Variants in MOCOS observed in about 807,000 individuals in gnomAD.
The protein encoded by MOCOS is molybdenum cofactor sulfurase.
MOCOS carries 86 observed loss-of-function variants against 83.6 expected under a neutral mutation model. The ratio of observed to expected loss-of-function variants is 1.03; its 90% CI spans 0.86 to 1.23. The LOEUF (loss-of-function observed/expected upper bound fraction) is 1.23. MOCOS is among the 50% of genes most tolerant of loss of function. MOCOS has a pLI of 0.00. For missense variants in MOCOS, 1,120 were observed against 1,126.9 expected (o/e 0.99, Z 0.09); for synonymous variants, 445 against 434.7 (o/e 1.02, Z -0.29).
chr18:36,222,816 G>A (rs948117417), intron 9 of MOCOS, among the ~76,000 whole-genome samples: 7 of 152,048 alleles, frequency 4.6e-5, no homozygotes, highest in Non-Finnish European at 1.0e-4. Flanking sequence ...TAGCCAGGAT[G>A]GTCTCGATTT....
chr18:36,218,336 CTT>C (rs76451844), intron 8 of MOCOS, among the ~76,000 whole-genome samples: 2 of 146,146 alleles, frequency 1.4e-5, no homozygotes, highest in Non-Finnish European at 1.5e-5. Flanking sequence ...CCTTTTATGG[CTT>C]TTTTTTTTTC....
intron 8 of MOCOS, among the ~76,000 whole-genome samples, chr18:36,217,567 A>T (rs2091480105): frequency 6.6e-6 from 1 of 152,082 alleles, no homozygotes; most frequent in Non-Finnish European, 1.5e-5. Context: ...AAAAGCCCTC[A>T]TTGAAGGGAC....
Position 36,199,913 on chromosome 18 carries a change from T to A in MOCOS, c.530T>A (p.Leu177Gln). Residue 177 changes from leucine (L) to glutamine (Q), a missense_variant, in exon 4 of 15, where the codon CTG becomes CAG. Leu to Gln is a moderately radical substitution (Grantham distance 113). Coordinates refer to ENST00000261326, the MANE Select transcript of MOCOS (RefSeq NM_017947.4). ...TCCACCCCGGTCAGGCCAGAGGACC[T>A]GTGGTCTGCAGAGGAACGTAGTGCT... The part of the protein sequence containing the change: ...VISTPVRPED[L>Q]WSAEERSASA... The A allele has an allele frequency of 6.2e-7, 1 of 1,614,010 alleles. No individual in the cohort carries two copies. The highest frequency in any genetic ancestry group is 8.5e-7 in the Non-Finnish European group (1 of 1,179,926).
At chr18:36,265,421 A>G (rs1347290699) in intron 13 of MOCOS, among the ~76,000 whole-genome samples, 1 of 152,184 alleles carries the variant, frequency 6.6e-6, no homozygotes, top group East Asian at 1.9e-4. Context: ...CAACTTTCAC[A>G]CCAGTAACAG....
chr18:36,266,639 C>A, intron 13 of MOCOS, 110 bp from the exon 14 acceptor site: 1 of 893,764 alleles, frequency 1.1e-6, no homozygotes, highest in Non-Finnish European at 1.8e-6. Context: ...GTGCCACGTT[C>A]TGGCTCTCCA....
intron 12 of MOCOS, 88 bp downstream of exon 12, chr18:36,257,161 C>CT (rs1271058463): frequency 8.6e-7 from 1 of 1,168,712 alleles, no homozygotes; most frequent in Non-Finnish European, 1.3e-6. Context: ...GCGGAGAGAT[C>CT]TGAGAGTCAT....
intron 9 of MOCOS, among the ~76,000 whole-genome samples, chr18:36,239,064 C>G (rs1214119436): frequency 1.3e-5 from 2 of 150,270 alleles, no homozygotes; most frequent in Non-Finnish European, 3.0e-5. Context: ...ATACAGCACA[C>G]TGATGGGTCT....
chr18:36,206,792 T>A (rs1472656432), intron 6 of MOCOS, among the ~76,000 whole-genome samples: 1 of 152,198 alleles, frequency 6.6e-6, no homozygotes, highest in Non-Finnish European at 1.5e-5. Context: ...TCCAGCTGCA[T>A]CATGTTGCTG....
At chr18:36,188,922 C>A (rs1027124510) in intron 1 of MOCOS, among the ~76,000 whole-genome samples, 2 of 109,720 alleles carry the variant, frequency 1.8e-5, no homozygotes, top group African/African-American at 7.4e-5. Flanking sequence ...CGTATTCTCT[C>A]TCTCTCTCTC....
chr18:36,260,252 C>T, intron 13 of MOCOS, 77 bp downstream of exon 13: 4 of 1,572,010 alleles, frequency 2.5e-6, no homozygotes, highest in Non-Finnish European at 3.5e-6. Flanking sequence ...ACCTGGATAG[C>T]TGCAGGTGGG....
Position 36,260,176 on chromosome 18 carries a change from G to A in MOCOS, c.2409+1G>A. On this transcript the variant is annotated splice_donor_variant, in intron 13 of 14. Coordinates refer to ENST00000261326, the MANE Select transcript of MOCOS (RefSeq NM_017947.4). LOFTEE classifies it high-confidence loss of function. ...TTCAATTGGCTCTTTGCGTTTCCAGGTAAGTTTGGGGAAGTTCTATTATCC... is the reference window on the plus strand; with the variant it reads ...TTCAATTGGCTCTTTGCGTTTCCAGATAAGTTTGGGGAAGTTCTATTATCC... 2 of 1,614,136 alleles carry A rather than the reference G, an allele frequency of 1.2e-6. No homozygotes were observed. Among genetic ancestry groups the A allele is most frequent in the Non-Finnish European group, 1.7e-6 (2 of 1,179,996 alleles).
intron 9 of MOCOS, among the ~76,000 whole-genome samples, chr18:36,248,569 T>C (rs113099650): frequency 0.023 from 3,434 of 152,338 alleles, 128 homozygotes; most frequent in African/African-American, 0.078. Flanking sequence ...GTTTAATAAT[T>C]TGGGGTCTTA....
chr18:36,199,681 A>G lies in MOCOS; in HGVS notation c.300-2A>G. The stretch of plus-strand genomic sequence containing the variant: ...GTTGCGGGGATGCTGTGCTTCTTCC[A>G]GAATCCTGGCGCACTTCCACACCAC... On this transcript the variant is annotated splice_acceptor_variant, in intron 3 of 14. Transcript: ENST00000261326. LOFTEE classifies it high-confidence loss of function. The G allele has an allele frequency of 6.2e-7, 1 of 1,613,502 alleles. No homozygotes were observed. Among genetic ancestry groups the G allele is most frequent in the Non-Finnish European group, 8.5e-7 (1 of 1,180,036 alleles).
At chr18:36,230,105 A>G (rs2091532356) in intron 9 of MOCOS, among the ~76,000 whole-genome samples, 1 of 151,972 alleles carries the variant, frequency 6.6e-6, no homozygotes, top group African/African-American at 2.4e-5. Context: ...CTTTGTTTCA[A>G]GACATCTTGC....
chr18:36,244,802 A>G (rs1030702219), intron 9 of MOCOS, among the ~76,000 whole-genome samples: 4 of 152,066 alleles, frequency 2.6e-5, no homozygotes, highest in African/African-American at 9.7e-5. Context: ...GAGAACTCCA[A>G]TTCCGGTGTT....
rs1246789036 is a variant in MOCOS, at chr18:36,191,032, G to GAAAAA, written c.142+3352_142+3356dup. On this transcript the variant is annotated intron_variant, in intron 1 of 14. Coordinates refer to ENST00000261326, the MANE Select transcript of MOCOS (RefSeq NM_017947.4). ...AGACCCTATCTCTCAAAAAAAAAAA[G>GAAAAA]AAAAAGAAAAAAAAGTGTGTAGCAC... Among the ~76,000 whole-genome samples, 108 of 126,778 alleles carry GAAAAA rather than the reference G, an allele frequency of 8.5e-4. 5 individuals carry two copies. Among genetic ancestry groups the GAAAAA allele is most frequent in the Non-Finnish European group, 1.5e-3 (94 of 63,928 alleles). The allele number at this position is 126,778 out of a possible 152,430, so 83.2% of individuals were successfully genotyped here. A position where few individuals can be genotyped will look rare whatever the true frequency, so the allele number is the denominator to read the frequency against.
intron 9 of MOCOS, among the ~76,000 whole-genome samples, chr18:36,240,543 T>C (rs1214009641): frequency 4.0e-5 from 6 of 151,078 alleles, no homozygotes; most frequent in Non-Finnish European, 7.4e-5. Flanking sequence ...TTCAAAGCTG[T>C]CAGACAGGGA....
chr18:36,234,718 T>G (rs2091551186), intron 9 of MOCOS, among the ~76,000 whole-genome samples: 1 of 152,154 alleles, frequency 6.6e-6, no homozygotes, highest in Non-Finnish European at 1.5e-5. Flanking sequence ...TATAAAGAAA[T>G]ACCTGAGACT....
rs896398393 is a variant in MOCOS at position 36,215,529 on chromosome 18, G to C, written c.1349G>C (p.Cys450Ser). 4 of 1,613,894 alleles carry C rather than the reference G, an allele frequency of 2.5e-6. No homozygotes were observed. The highest frequency in any genetic ancestry group is 2.7e-5 in the African/African-American group (2 of 74,912). ...VRKHFQAGHV[C>S]GDNMDLIDGQ... ...CTCTTATCCTAGGCTGGTCATGTCT[G>C]TGGGGACAATATGGACCTCATAGAT... The change falls in exon 8 of 15, where the codon TGT becomes TCT. Residue 450 changes from cysteine to serine, a missense_variant. Transcript: ENST00000261326.
Sources: gnomAD v4.1 joint callset for allele counts (sites outside exome capture counted in the v4.1 genomes callset) on GRCh38, gnomAD v4.1.1 for gene constraint, MANE v1.5 for transcripts, NCBI Gene and HGNC (gene_info 2026-07-23, HGNC 2026-07-21) for gene names.